The following CACNG2 variants were observed in gnomAD, a reference collection of about 807,000 sequenced individuals.
The protein encoded by CACNG2 is calcium voltage-gated channel auxiliary subunit gamma 2.
CACNG2 carries 3 observed loss-of-function variants against 25.9 expected under a neutral mutation model. The observed-to-expected ratio is 0.12, with a 90% CI of 0.05 to 0.30. The LOEUF (loss-of-function observed/expected upper bound fraction) is 0.30. Ranked by LOEUF, CACNG2 falls within the 10% of genes least tolerant of loss-of-function variation. The pLI is 1.00. For synonymous variants in CACNG2, 167 were observed against 173.3 expected (o/e 0.96, Z 0.29); for missense variants, 341 against 432.5 (o/e 0.79, Z 1.88).
intron 1 of CACNG2, among the ~76,000 whole-genome samples, chr22:36,695,290 G>A (rs1191842824): frequency 1.3e-5 from 2 of 152,114 alleles, no homozygotes; most frequent in Non-Finnish European, 2.9e-5. Flanking sequence ...TATAAAGGCA[G>A]GTATTTTTAT....
chr22:36,681,029 A>T lies in CACNG2; in HGVS notation c.211+21337T>A, dbSNP rs369170680. Among the ~76,000 whole-genome samples, 1,241 of 152,304 alleles carry T rather than the reference A, an allele frequency of 8.1e-3. 22 individuals carry two copies. The highest frequency in any genetic ancestry group is 0.028 in the African/African-American group (1,183 of 41,554). ...AAGAATGAGAATGAAAAACAGAAAA[A>T]TTATTCTTTTTTTATTATTCTAAGA... On this transcript the variant is annotated intron_variant, in intron 1 of 3. Transcript: ENST00000300105.
intron 1 of CACNG2, among the ~76,000 whole-genome samples, chr22:36,680,210 T>C (rs1425267575): frequency 3.7e-5 from 4 of 108,794 alleles, no homozygotes; most frequent in Non-Finnish European, 3.8e-5. Context: ...ACCATCACTG[T>C]CACCACCACT....
chr22:36,652,866 A>G (rs2145976622), intron 1 of CACNG2, among the ~76,000 whole-genome samples: 1 of 152,268 alleles, frequency 6.6e-6, no homozygotes, highest in Middle Eastern at 3.4e-3. Context: ...CCAAGGAGGC[A>G]GAAGAGCTCT....
In CACNG2 at chr22:36,564,536, G is replaced by C; in HGVS notation, c.787C>G (p.Leu263Val). 6.2e-7 allele frequency: 1 copy of C among 1,614,160 alleles called. No homozygotes were observed. The highest frequency in any genetic ancestry group is 1.1e-5 in the South Asian group (1 of 91,088). Residue 263 changes from leucine to valine, a missense_variant, in exon 4 of 4, where the codon CTG (leucine) becomes GTG (valine). Transcript: ENST00000300105. This position sits in a 1 kb window ranked among gnomAD's most constrained non-coding sequence, Gnocchi z 6.7. Reference sequence around the variant, plus strand: ...TACATGGAGATCTCCGTGGACGGCAGGGTGTTGAAGCCCTTGATGCCCACG... The same window carrying C: ...TACATGGAGATCTCCGTGGACGGCACGGTGTTGAAGCCCTTGATGCCCACG... ...SPVGIKGFNT[L>V]PSTEISMYTL... is the part of the protein sequence containing the mutation.
At chr22:36,611,476 T>A (rs557195869) in intron 1 of CACNG2, among the ~76,000 whole-genome samples, 1 of 152,306 alleles carries the variant, frequency 6.6e-6, no homozygotes, top group East Asian at 1.9e-4. Context: ...CCAAGGGCAA[T>A]GAAGCTCAAG....
intron 1 of CACNG2, among the ~76,000 whole-genome samples, chr22:36,691,946 A>T (rs1937272276): frequency 6.6e-6 from 1 of 152,370 alleles, no homozygotes; most frequent in Middle Eastern, 3.4e-3. Context: ...AAATTCAGGA[A>T]GGAGAAAGGA....
At chr22:36,679,683 G>A (rs1937071508) in intron 1 of CACNG2, among the ~76,000 whole-genome samples, 4 of 152,046 alleles carry the variant, frequency 2.6e-5, no homozygotes, top group African/African-American at 9.7e-5. Flanking sequence ...TTCCTCCCTA[G>A]GTCACTGCCC....
chr22:36,684,162 C>G (rs1196699232), intron 1 of CACNG2, among the ~76,000 whole-genome samples: 2 of 152,060 alleles, frequency 1.3e-5, no homozygotes, highest in Non-Finnish European at 2.9e-5. Flanking sequence ...CATTGTGGTA[C>G]CTGAGATGAA....
intron 1 of CACNG2, among the ~76,000 whole-genome samples, chr22:36,649,614 G>A (rs1936577624): frequency 6.6e-6 from 1 of 152,160 alleles, no homozygotes; most frequent in South Asian, 2.1e-4. Flanking sequence ...CTGTGATATG[G>A]TTTGGCTGTG....
At chr22:36,673,145 G>T (rs1936974948) in intron 1 of CACNG2, among the ~76,000 whole-genome samples, 1 of 152,214 alleles carries the variant, frequency 6.6e-6, no homozygotes, top group East Asian at 1.9e-4. Context: ...AGGATCACTT[G>T]AACCCAGGAA....
chr22:36,599,242 T>C (rs768487215), intron 1 of CACNG2, among the ~76,000 whole-genome samples: 1 of 144,806 alleles, frequency 6.9e-6, no homozygotes, highest in South Asian at 2.3e-4. Flanking sequence ...CCCAGATGAA[T>C]TCCACAAACA....
At chr22:36,581,430 GACA>G (rs1603500745) in intron 2 of CACNG2, among the ~76,000 whole-genome samples, 1 of 152,206 alleles carries the variant, frequency 6.6e-6, no homozygotes, top group Admixed American at 6.5e-5. Flanking sequence ...CAAGAGGCTG[GACA>G]ACATCTTAAG....
rs1248531732 is a variant in CACNG2, at chr22:36,606,428, T to C, written c.212-18880A>G. 2.0e-5 allele frequency among the ~76,000 whole-genome samples: 3 copies of C among 152,112 alleles called. No individual in the cohort carries two copies. The highest frequency in any genetic ancestry group is 7.2e-5 in the African/African-American group (3 of 41,414). On this transcript the variant is annotated intron_variant, in intron 1 of 3. Transcript: ENST00000300105. This position sits in a 1 kb window ranked among gnomAD's most constrained non-coding sequence, Gnocchi z 5.7. ...GGGGTGAAGGAACGCCTCTAAAGATTCATTGCTCGTGTAAGTGAAAGAGCT... is the reference window on the plus strand; with the variant it reads ...GGGGTGAAGGAACGCCTCTAAAGATCCATTGCTCGTGTAAGTGAAAGAGCT...
intron 1 of CACNG2, among the ~76,000 whole-genome samples, chr22:36,695,446 C>T (rs1937325846): frequency 6.6e-6 from 1 of 151,964 alleles, no homozygotes; most frequent in Non-Finnish European, 1.5e-5. Flanking sequence ...ACCACTTCCA[C>T]TTGCCCCTCC....
At chr22:36,571,033 C>T (rs1356139687) in intron 2 of CACNG2, among the ~76,000 whole-genome samples, 1 of 152,174 alleles carries the variant, frequency 6.6e-6, no homozygotes, top group Non-Finnish European at 1.5e-5. Context: ...AGGGTCATTA[C>T]TGCTCTGAGC....
At chr22:36,637,976 C>T (rs1324226326) in intron 1 of CACNG2, among the ~76,000 whole-genome samples, 2 of 151,526 alleles carry the variant, frequency 1.3e-5, no homozygotes, top group Non-Finnish European at 1.5e-5. Context: ...GAGCCAAGAT[C>T]GTGCCACTGT....
In CACNG2 at chr22:36,564,176, G is replaced by GT. The variant is rs71193240; in HGVS notation, c.*174dup. On this transcript the variant is annotated 3_prime_UTR_variant, in exon 4 of 4. Coordinates refer to ENST00000300105, the MANE Select transcript of CACNG2 (RefSeq NM_006078.5). The surrounding 1 kb of genome is among the most constrained non-coding windows in gnomAD (Gnocchi z 6.7). The stretch of plus-strand genomic sequence containing the variant: ...CTTTTTTTTAAAATTTACTTGTTAT[G>GT]TTTTTTCTCTTTTTTTGTGTGTGTG... 0.25 allele frequency: 128,333 copies of GT among 507,110 alleles called. 17,434 individuals are homozygous for GT. The highest frequency in any genetic ancestry group is 0.32 in the Admixed American group (8,471 of 26,244). 31.4% of individuals were successfully genotyped at this position (507,110 alleles called of 1,614,324 possible).
At position 36,633,517 on chromosome 22, in the gene CACNG2, T is replaced by C. The variant is rs77474561; in HGVS notation, c.212-45969A>G. Among the ~76,000 whole-genome samples the C allele has an allele frequency of 4.3e-3, 657 of 152,326 alleles. 3 individuals are homozygous for C. The highest frequency in any genetic ancestry group is 6.5e-3 in the Non-Finnish European group (445 of 68,034). On this transcript the variant is annotated intron_variant, in intron 1 of 3. Transcript: ENST00000300105. ...GAACGGATCCAAACAGAATTACTGA[T>C]GCTCAAGGGCTTCAGGATCACCACA...
At position 36,606,145 on chromosome 22, in the gene CACNG2, T is replaced by C. The variant is rs1179597411; in HGVS notation, c.212-18597A>G. Among the ~76,000 whole-genome samples the C allele has an allele frequency of 6.6e-6, 1 of 152,208 alleles. No individual in the cohort carries two copies. Among genetic ancestry groups the C allele is most frequent in the African/African-American group, 2.4e-5 (1 of 41,440 alleles). On this transcript the variant is annotated intron_variant, in intron 1 of 3. Coordinates refer to ENST00000300105, the MANE Select transcript of CACNG2 (RefSeq NM_006078.5). This position sits in a 1 kb window ranked among gnomAD's most constrained non-coding sequence, Gnocchi z 5.7. Reference sequence around the variant, plus strand: ...ATCAAGTGGTTACTAGGTGTTGGTGTTGAGCTAGGTTCCACAGCAGAGAAG... The same window carrying C: ...ATCAAGTGGTTACTAGGTGTTGGTGCTGAGCTAGGTTCCACAGCAGAGAAG...
Sources: allele counts gnomAD v4.1 joint callset (sites outside exome capture counted in the v4.1 genomes callset), GRCh38; gene constraint gnomAD v4.1.1; non-coding constraint Gnocchi (gnomAD v3.1); transcripts MANE v1.5; gene names NCBI Gene and HGNC (gene_info 2026-07-23, HGNC 2026-07-21).